Variants in CAPS2 observed in about 807,000 individuals in gnomAD.
CAPS2 encodes the protein calcyphosin-2.
CAPS2 carries 98 observed loss-of-function variants against 86.5 expected under a neutral mutation model. The observed-to-expected ratio is 1.13, with a 90% CI of 0.96 to 1.34. The LOEUF is 1.34. CAPS2 is among the 40% of genes most tolerant of loss of function. The probability of loss-of-function intolerance (pLI) is 0.00; values close to 1 mark genes in which losing one functional copy is unlikely to be tolerated. For synonymous variants in CAPS2, 210 were observed against 225.1 expected (o/e 0.93, Z 0.60); for missense variants, 729 against 686.8 (o/e 1.06, Z -0.69).
At chr12:75,289,827 T>C in intron 13 of CAPS2, 52 bp from the exon 14 acceptor site, 1 of 1,302,402 alleles carries the variant, frequency 7.7e-7, no homozygotes, top group African/African-American at 1.5e-5. Context: ...CATAAATGTA[T>C]AAAGCCGCAG....
chr12:75,290,259 C>A, intron 13 of CAPS2, among the ~76,000 whole-genome samples: 1 of 152,094 alleles, frequency 6.6e-6, no homozygotes, highest in Non-Finnish European at 1.5e-5. Context: ...AACTTCTATA[C>A]AAAATAGCAT....
chr12:75,386,437 A>C (rs528057853), intron 1 of CAPS2, among the ~76,000 whole-genome samples: 1 of 152,324 alleles, frequency 6.6e-6, no homozygotes, highest in Admixed American at 6.5e-5. Flanking sequence ...AGGAGTTCAC[A>C]GAGGAAGAGA....
exon 17 of CAPS2, chr12:75,279,054 C>T (rs748200680): frequency 6.3e-7 from 1 of 1,594,070 alleles, no homozygotes; most frequent in Non-Finnish European, 8.5e-7. Context: ...ATTTCTTCCT[C>T]TGTTGAATGG....
chr12:75,303,728 G>A (rs1311351761), intron 8 of CAPS2, among the ~76,000 whole-genome samples: 1 of 152,150 alleles, frequency 6.6e-6, no homozygotes, highest in Admixed American at 6.5e-5. Context: ...TGGTAGAAGG[G>A]ACATGGCATA....
chr12:75,390,830 T>C (rs1453691547), intron 1 of CAPS2: 2 of 622,480 alleles, frequency 3.2e-6, no homozygotes, highest in Non-Finnish European at 6.2e-6. Context: ...TGAAAAGGGC[T>C]TACTCACGTA....
At chr12:75,381,116 C>A (rs867382017) in intron 1 of CAPS2, among the ~76,000 whole-genome samples, 2 of 152,034 alleles carry the variant, frequency 1.3e-5, no homozygotes, top group South Asian at 4.2e-4. Context: ...TAGGAGGGAC[C>A]CAGGGGGAGG....
Position 75,312,918 on chromosome 12 carries a change from G to A in CAPS2, c.592-3C>T, listed in dbSNP as rs750991322. The A allele has an allele frequency of 8.1e-6, 13 of 1,595,170 alleles. No individual in the cohort carries two copies. In the South Asian group the frequency reaches 1.4e-4, roughly 18 times the overall value. ...TTCTTCTCTGCAGCCACAATTTCCTGGGAAGATTAAATAAAGACAACTTCA... is the reference window on the plus strand; with the variant it reads ...TTCTTCTCTGCAGCCACAATTTCCTAGGAAGATTAAATAAAGACAACTTCA... On this transcript the variant is annotated splice_polypyrimidine_tract_variant and splice_region_variant and intron_variant, in intron 6 of 16. Transcript: ENST00000393284.
chr12:75,289,102 A>G (rs1360364625), intron 14 of CAPS2, among the ~76,000 whole-genome samples: 1 of 151,932 alleles, frequency 6.6e-6, no homozygotes, highest in African/African-American at 2.4e-5. Flanking sequence ...AACAGGCCAC[A>G]CTCCCTTCCC....
upstream of CAPS2, among the ~76,000 whole-genome samples, chr12:75,329,443 T>C (rs2041093577): frequency 1.3e-5 from 2 of 151,344 alleles, no homozygotes; most frequent in South Asian, 2.1e-4. Flanking sequence ...CTAATGTCTT[T>C]AGTGCTACCA....
intron 5 of CAPS2, chr12:75,318,233 C>T (rs1219218432): frequency 6.6e-6 from 1 of 152,130 alleles, no homozygotes; most frequent in African/African-American, 2.4e-5. Flanking sequence ...AACAATATGA[C>T]TTTGTGAGGC....
At chr12:75,369,832 A>C (rs553973228) in intron 1 of CAPS2, 11 of 1,325,690 alleles carry the variant, frequency 8.3e-6, no homozygotes, top group Middle Eastern at 2.9e-4. Context: ...GGAAAGTTTC[A>C]TTTTCTTGTT....
At chr12:75,334,605 T>C, upstream of CAPS2, 1 of 1,482,232 alleles carries the variant, frequency 6.7e-7, no homozygotes, top group Non-Finnish European at 8.9e-7. Flanking sequence ...CGCGCTGGGC[T>C]CGAGCCTGTG....
At chr12:75,368,455 A>G (rs1288286303) in intron 1 of CAPS2, among the ~76,000 whole-genome samples, 1 of 151,778 alleles carries the variant, frequency 6.6e-6, no homozygotes, top group African/African-American at 2.4e-5. Context: ...AATATAACAC[A>G]GCTACACTGT....
chr12:75,291,034 G>A (rs1346973383), intron 13 of CAPS2, among the ~76,000 whole-genome samples: 2 of 151,494 alleles, frequency 1.3e-5, no homozygotes, highest in Non-Finnish European at 2.9e-5. Flanking sequence ...CTGTCTAATC[G>A]AGTCTACCAT....
intron 1 of CAPS2, among the ~76,000 whole-genome samples, chr12:75,386,849 G>A (rs750716449): frequency 1.1e-4 from 16 of 148,358 alleles, no homozygotes; most frequent in Middle Eastern, 3.5e-3. Context: ...ACAACTGAAC[G>A]TCCATATACA....
At chr12:75,299,179 C>T (rs2037400749) in intron 9 of CAPS2, among the ~76,000 whole-genome samples, 2 of 152,156 alleles carry the variant, frequency 1.3e-5, no homozygotes, top group Admixed American at 6.5e-5. Context: ...AATAATCTTA[C>T]ACTGACATTA....
chr12:75,346,729 T>C (rs1475431854), intron 1 of CAPS2, among the ~76,000 whole-genome samples: 1 of 152,200 alleles, frequency 6.6e-6, no homozygotes, highest in Non-Finnish European at 1.5e-5. Flanking sequence ...TGGTAAAATA[T>C]ATTTTGCAAA....
chr12:75,370,131 C>T, intron 1 of CAPS2: 2 of 1,606,680 alleles, frequency 1.2e-6, no homozygotes, highest in Non-Finnish European at 1.7e-6. Context: ...AGCAGACAGC[C>T]TTTAATCCAT....
At chr12:75,383,711 C>T (rs10879905) in intron 1 of CAPS2, among the ~76,000 whole-genome samples, 48,818 of 151,880 alleles carry the variant, frequency 0.32, 8,650 homozygotes, top group East Asian at 0.46. Context: ...ATACATTATT[C>T]GACAATAGCA....
Sources: allele counts gnomAD v4.1 joint callset (sites outside exome capture counted in the v4.1 genomes callset), GRCh38; gene constraint gnomAD v4.1.1; transcripts MANE v1.5; gene names NCBI Gene and HGNC (gene_info 2026-07-23, HGNC 2026-07-21).